ABCG1: variants seen among roughly 807,000 people sequenced by gnomAD.
ABCG1 encodes the protein ATP binding cassette subfamily G member 1, also known as ATP-binding cassette sub-family G member 1.
A neutral mutation model predicts 69.2 loss-of-function variants in ABCG1; 29 were observed. The ratio of observed to expected loss-of-function variants is 0.42; its 90% CI spans 0.31 to 0.57. The LOEUF (loss-of-function observed/expected upper bound fraction) is 0.57, where lower values mean the gene tolerates loss of function less well. ABCG1 is among the 20% of genes least tolerant of loss of function. The probability of loss-of-function intolerance (pLI) is 0.15; values close to 1 mark genes in which losing one functional copy is unlikely to be tolerated. For synonymous variants in ABCG1, 370 were observed against 374.8 expected, an observed-to-expected ratio of 0.99 and a Z score of 0.15; for missense variants, 718 against 898.1, an observed-to-expected ratio of 0.80 and a Z score of 2.56.
In ABCG1 at chr21:42,273,503, G is replaced by A; in HGVS notation, c.537+68G>A. The stretch of plus-strand genomic sequence containing the variant: ...GTCCCCAGCGCCCACATTAGACACA[G>A]CACTGGCCGAGTGCCCAGCTGCGAG... On this transcript the variant is annotated intron_variant, in intron 4 of 14. Transcript: ENST00000398449. The surrounding 1 kb of genome is among the most constrained non-coding windows in gnomAD (Gnocchi z 5.3). 1 of 1,542,766 alleles carries A rather than the reference G, an allele frequency of 6.5e-7. No individual in the cohort carries two copies. The highest frequency in any genetic ancestry group is 8.8e-7 in the Non-Finnish European group (1 of 1,140,338).
Position 42,291,284 on chromosome 21 carries a change from G to A in ABCG1, c.1494+92G>A. On this transcript the variant is annotated intron_variant, in intron 12 of 14. Transcript: ENST00000398449. This position sits in a 1 kb window ranked among gnomAD's most constrained non-coding sequence, Gnocchi z 6.4. ...GTAAGAGGACCTGCCAGGGATGCAG[G>A]GTGACATGGCCCGACTTCGGGAGCT... 8.1e-7 allele frequency: 1 copy of A among 1,239,310 alleles called. No individual in the cohort carries two copies. The highest frequency in any genetic ancestry group is 1.3e-5 in the South Asian group (1 of 78,142). 76.8% of individuals were successfully genotyped at this position (1,239,310 alleles called of 1,614,324 possible).
At chr21:42,213,561 T>C (rs1020570398), upstream of ABCG1, among the ~76,000 whole-genome samples, 1 of 152,224 alleles carries the variant, frequency 6.6e-6, no homozygotes, top group African/African-American at 2.4e-5. Context: ...GCAGAGCCAC[T>C]GACGTGCACC....
rs2068965352 is a variant in ABCG1, at chr21:42,287,530, G to A, written c.974-359G>A. Among the ~76,000 whole-genome samples the A allele has an allele frequency of 6.6e-6, 1 of 152,240 alleles. No individual in the cohort carries two copies. Reference sequence around the variant, plus strand: ...TCCTCAAGGAGGAGTCCCTCAGGGAGGAGTCCTTCGTTCTGCTCCCTTCCC... The same window carrying A: ...TCCTCAAGGAGGAGTCCCTCAGGGAAGAGTCCTTCGTTCTGCTCCCTTCCC... On this transcript the variant is annotated intron_variant, in intron 8 of 14. Transcript: ENST00000398449. The surrounding 1 kb of genome is among the most constrained non-coding windows in gnomAD (Gnocchi z 6.2).
rs1601342288 is a variant in ABCG1, at chr21:42,219,228, G to C, written c.-35G>C. ...CCGCAGCTCAAGCCTCGTCCCCGCC[G>C]CCGCCGCCGCCGCCGCCGCCGCCGC... On this transcript the variant is annotated 5_prime_UTR_variant, in exon 1 of 15. Transcript: ENST00000398449. The surrounding 1 kb of genome is among the most constrained non-coding windows in gnomAD (Gnocchi z 5.3). 2 of 1,087,896 alleles carry C rather than the reference G, an allele frequency of 1.8e-6. No individual in the cohort carries two copies. Among genetic ancestry groups the C allele is most frequent in the Non-Finnish European group, 2.4e-6 (2 of 837,084 alleles). 67.4% of individuals were successfully genotyped at this position (1,087,896 alleles called of 1,614,324 possible). A position where few individuals can be genotyped will look rare whatever the true frequency, so the allele number is the denominator to read the frequency against.
At chr21:42,206,448 T>G (rs2067543433) in intron 2 of ABCG1, among the ~76,000 whole-genome samples, 1 of 152,248 alleles carries the variant, frequency 6.6e-6, no homozygotes. Context: ...TGAGGTTTGC[T>G]CTGTGGCCCA....
chr21:42,207,223 G>A (rs1457064226), intron 2 of ABCG1, among the ~76,000 whole-genome samples: 1 of 152,090 alleles, frequency 6.6e-6, no homozygotes, highest in Non-Finnish European at 1.5e-5. Context: ...TGTTAGATCT[G>A]TATATACAGT....
In ABCG1 at chr21:42,287,840, G is replaced by C. The variant is rs372476366; in HGVS notation, c.974-49G>C. On this transcript the variant is annotated intron_variant, in intron 8 of 14. Coordinates refer to ENST00000398449, the MANE Select transcript of ABCG1 (RefSeq NM_016818.3). This position sits in a 1 kb window ranked among gnomAD's most constrained non-coding sequence, Gnocchi z 6.2. ...AACGACTTTCGCATTTGGGTGGTTG[G>C]GGTGTCCTTCCTGGAGCCCGGGCTG... The C allele has an allele frequency of 6.6e-7, 1 of 1,507,758 alleles. No homozygotes were observed. Among genetic ancestry groups the C allele is most frequent in the Non-Finnish European group, 8.9e-7 (1 of 1,125,068 alleles). The allele number at this position is 1,507,758 out of a possible 1,614,324, so 93.4% of individuals were successfully genotyped here.
At chr21:42,270,927 A>G (rs1402284778) in intron 2 of ABCG1, 143 bp from the exon 3 acceptor site, 2 of 526,010 alleles carry the variant, frequency 3.8e-6, no homozygotes, top group Admixed American at 7.1e-5. Flanking sequence ...CATGAAGTTC[A>G]TGTTCTTCCC....
rs149967884 is a variant in ABCG1 at position 42,271,409 on chromosome 21, G to C, written c.404+222G>C. ...GTCCCTGGAGACAGTGGCCACAGCA[G>C]CACCCTGGATGAGCTCAGCCTGGCT... On this transcript the variant is annotated intron_variant, in intron 3 of 14. Coordinates refer to ENST00000398449, the MANE Select transcript of ABCG1 (RefSeq NM_016818.3). 2.2e-3 allele frequency among the ~76,000 whole-genome samples: 337 copies of C among 152,354 alleles called. 1 individual carries two copies. The highest frequency in any genetic ancestry group is 7.6e-3 in the African/African-American group (317 of 41,572).
intron 2 of ABCG1, among the ~76,000 whole-genome samples, chr21:42,241,488 C>T (rs923269222): frequency 6.6e-6 from 1 of 151,842 alleles, no homozygotes; most frequent in African/African-American, 2.4e-5. Flanking sequence ...GCCTGTAGTC[C>T]CAGCTACTCA....
chr21:42,295,234 G>A (rs1206589951), intron 14 of ABCG1: 1 of 152,646 alleles, frequency 6.6e-6, no homozygotes, highest in African/African-American at 2.4e-5. Flanking sequence ...GAGGCGGGAG[G>A]GCGGGAAGAT....
chr21:42,260,916 C>G (rs1025045754), intron 2 of ABCG1, among the ~76,000 whole-genome samples: 2 of 152,040 alleles, frequency 1.3e-5, no homozygotes, highest in Non-Finnish European at 2.9e-5. Context: ...CCGCCTCCCT[C>G]GTTCAAGCGA....
intron 2 of ABCG1, among the ~76,000 whole-genome samples, chr21:42,266,215 C>A (rs991685909): frequency 6.6e-6 from 1 of 152,038 alleles, no homozygotes; most frequent in African/African-American, 2.4e-5. Context: ...GCAGGAGAAT[C>A]GCTTGAACCC....
Position 42,291,038 on chromosome 21 carries a change from C to T in ABCG1, c.1394-54C>T, listed in dbSNP as rs915774309. The T allele has an allele frequency of 2.0e-5, 27 of 1,381,022 alleles. No homozygotes were observed. The East Asian group carries it at 2.1e-4, about 11-fold the overall frequency. 85.5% of individuals were successfully genotyped at this position (1,381,022 alleles called of 1,614,324 possible). ...CAAGATCGCCTGTTGGGATGTTAAA[C>T]GGGCTCGCTGCACATGGTCACTGAC... On this transcript the variant is annotated intron_variant, in intron 11 of 14. Transcript: ENST00000398449. This position sits in a 1 kb window ranked among gnomAD's most constrained non-coding sequence, Gnocchi z 6.4.
chr21:42,291,472 C>T lies in ABCG1; in HGVS notation c.1495-26C>T, dbSNP rs758344897. The T allele has an allele frequency of 1.6e-5, 26 of 1,592,944 alleles. No homozygotes were observed. The highest frequency in any genetic ancestry group is 2.0e-5 in the Non-Finnish European group (23 of 1,165,170). ...TGCTGTGGTGGGAAGCGGCTGAGCC[C>T]GCGGCTGACGGGTCCTTGTTTCCAG... On this transcript the variant is annotated intron_variant, in intron 12 of 14. Coordinates refer to ENST00000398449, the MANE Select transcript of ABCG1 (RefSeq NM_016818.3). This position sits in a 1 kb window ranked among gnomAD's most constrained non-coding sequence, Gnocchi z 6.4.
exon 2 of ABCG1, chr21:42,201,693 G>C: frequency 6.2e-7 from 1 of 1,613,882 alleles, no homozygotes; most frequent in East Asian, 2.2e-5. Context: ...GAACGCAGGG[G>C]TGGACAAAAC....
chr21:42,248,584 TTGA>T (rs549876276), intron 2 of ABCG1, among the ~76,000 whole-genome samples: 1 of 152,214 alleles, frequency 6.6e-6, no homozygotes, highest in African/African-American at 2.4e-5. Flanking sequence ...CAAATGCTCA[TTGA>T]AAGAAGAGTG....
Position 42,291,399 on chromosome 21 carries a change from C to T in ABCG1, c.1495-99C>T, listed in dbSNP as rs1361335384. 1.6e-5 allele frequency: 24 copies of T among 1,491,674 alleles called. No homozygotes were observed. Among genetic ancestry groups the T allele is most frequent in the Non-Finnish European group, 2.0e-5 (22 of 1,098,814 alleles). 92.4% of individuals were successfully genotyped at this position (1,491,674 alleles called of 1,614,324 possible). ...AAGGACCCGACTTTGGGAGCTCTGG[C>T]GGGAGCTGCGGGGAAGGGCTGGCTG... is the stretch of plus-strand genomic sequence containing the variant. On this transcript the variant is annotated intron_variant, in intron 12 of 14. Coordinates refer to ENST00000398449, the MANE Select transcript of ABCG1 (RefSeq NM_016818.3). This position sits in a 1 kb window ranked among gnomAD's most constrained non-coding sequence, Gnocchi z 6.4.
chr21:42,264,479 GTCCATCCA>G (rs1443492430), intron 2 of ABCG1, among the ~76,000 whole-genome samples: 1 of 136,700 alleles, frequency 7.3e-6, no homozygotes, highest in Non-Finnish European at 1.6e-5. Flanking sequence ...TCATCCATCT[GTCCATCCA>G]TCCATCCATT....
Sources: gnomAD v4.1 joint callset for allele counts (sites outside exome capture counted in the v4.1 genomes callset) on GRCh38, gnomAD v4.1.1 for gene constraint, Gnocchi (gnomAD v3.1) non-coding constraint, MANE v1.5 for transcripts, NCBI Gene and HGNC (gene_info 2026-07-23, HGNC 2026-07-21) for gene names.